CDHR3: variants seen among roughly 807,000 people sequenced by gnomAD.
The protein encoded by CDHR3 is cadherin-related family member 3.
Under a neutral mutation model 86.6 loss-of-function variants are expected in CDHR3, and 79 were observed. The ratio of observed to expected loss-of-function variants is 0.91; its 90% CI spans 0.76 to 1.10. The LOEUF (loss-of-function observed/expected upper bound fraction) is 1.10, where lower values mean the gene tolerates loss of function less well. CDHR3 is among the 50% of genes least tolerant of loss of function. CDHR3 has a pLI of 0.00. For synonymous variants in CDHR3, 421 were observed against 402.4 expected (o/e 1.05, Z -0.55); for missense variants, 1,081 against 1,077.6 (o/e 1.00, Z -0.04).
intron 16 of CDHR3, 89 bp from the exon 17 acceptor site, chr7:106,028,462 A>G (rs1837714588): frequency 7.1e-7 from 1 of 1,398,628 alleles, no homozygotes; most frequent in African/African-American, 1.4e-5. Flanking sequence ...ATCGAAGCCT[A>G]TTTAGGGGAA....
rs1337535708 is a variant in CDHR3 at position 106,028,982 on chromosome 7, T to TTCTC, written c.2304+403_2304+404insCTCT. Among the ~76,000 whole-genome samples, 4 of 149,316 alleles carry TTCTC rather than the reference T, an allele frequency of 2.7e-5. No homozygotes were observed. In the South Asian group the frequency reaches 8.6e-4, roughly 32 times the overall value. ...TTTCTTTCTTTCTTTCTTTCTTTCT[T>TTCTC]TCTTTCTTTCTTTTTAAGACACAGT... On this transcript the variant is annotated intron_variant, in intron 17 of 18. Transcript: ENST00000317716.
chr7:105,997,124 A>G (rs77056646), intron 6 of CDHR3, among the ~76,000 whole-genome samples: 4,830 of 152,274 alleles, frequency 0.032, 271 homozygotes, highest in African/African-American at 0.11. Context: ...CTTTAACAGC[A>G]TGAACGGTTA....
rs1437852777 is a variant in CDHR3 at position 106,034,883 on chromosome 7, G to C, written c.*2186G>C. Among the ~76,000 whole-genome samples the C allele has an allele frequency of 6.6e-6, 1 of 152,296 alleles. No homozygotes were observed. The highest frequency in any genetic ancestry group is 2.1e-4 in the South Asian group (1 of 4,826). On this transcript the variant is annotated 3_prime_UTR_variant, in exon 19 of 19. Coordinates refer to ENST00000317716, the MANE Select transcript of CDHR3 (RefSeq NM_152750.5). ...ACCTGAGGTCAGGAGTTTGAGACCAGCCTGGCCAACATGGTGAAACCCTGT... is the reference window on the plus strand; with the variant it reads ...ACCTGAGGTCAGGAGTTTGAGACCACCCTGGCCAACATGGTGAAACCCTGT...
intron 12 of CDHR3, among the ~76,000 whole-genome samples, chr7:106,020,106 G>T (rs901315309): frequency 6.6e-6 from 1 of 152,144 alleles, no homozygotes; most frequent in African/African-American, 2.4e-5. Context: ...ATATGGTGTA[G>T]AAGTTAATAG....
In CDHR3 at chr7:106,032,754, A is replaced by C; in HGVS notation, c.*57A>C. The C allele has an allele frequency of 1.3e-6, 2 of 1,517,200 alleles. No homozygotes were observed. The highest frequency in any genetic ancestry group is 1.8e-6 in the Non-Finnish European group (2 of 1,124,178). 94.0% of individuals were successfully genotyped at this position (1,517,200 alleles called of 1,614,324 possible). On this transcript the variant is annotated 3_prime_UTR_variant, in exon 19 of 19. Coordinates refer to ENST00000317716, the MANE Select transcript of CDHR3 (RefSeq NM_152750.5). The stretch of plus-strand genomic sequence containing the variant: ...GAGATGCTGCCTCACCCTAAATTCT[A>C]TGGGGATGGTGTGGGCATGGTGTAG...
At chr7:105,980,623 A>ATTTTTTTTT (rs55880404) in intron 2 of CDHR3, among the ~76,000 whole-genome samples, 3 of 108,148 alleles carry the variant, frequency 2.8e-5, no homozygotes, top group East Asian at 2.7e-4. Flanking sequence ...TTTTTTTTTA[A>ATTTTTTTTT]TTTTTTTTTT....
intron 8 of CDHR3, among the ~76,000 whole-genome samples, chr7:106,011,387 G>A (rs1834781374): frequency 6.6e-6 from 1 of 151,844 alleles, no homozygotes; most frequent in Non-Finnish European, 1.5e-5. Context: ...TGTTACTTTT[G>A]GAACCAGAGA....
chr7:105,966,962 T>TA (rs1481330637), intron 1 of CDHR3, among the ~76,000 whole-genome samples: 57 of 151,668 alleles, frequency 3.8e-4, no homozygotes, highest in South Asian at 4.2e-4. Flanking sequence ...CTTTTTTTTT[T>TA]TTATTATTAT....
At chr7:106,022,102 T>C in intron 13 of CDHR3, 96 bp from the exon 14 acceptor site, 2 of 1,470,154 alleles carry the variant, frequency 1.4e-6, no homozygotes, top group Non-Finnish European at 1.9e-6. Context: ...GGTGTGGACA[T>C]TTGAGAAAAA....
intron 2 of CDHR3, among the ~76,000 whole-genome samples, chr7:105,976,995 T>C (rs1286275873): frequency 6.6e-6 from 1 of 151,106 alleles, no homozygotes. Flanking sequence ...TTTTTTTTTT[T>C]TTTTTGAGAT....
rs544041141 is a variant in CDHR3, at chr7:106,027,582, G to A, written c.2272+887G>A. ...TCCATCTGAGCAGCTCCAGGTCTGA[G>A]GAGGTGTCCTGGCTTGGCCTCAAGT... On this transcript the variant is annotated intron_variant, in intron 16 of 18. Transcript: ENST00000317716. 7.0e-5 allele frequency: 30 copies of A among 428,642 alleles called. 1 individual carries two copies. The highest frequency in any genetic ancestry group is 3.9e-4 in the South Asian group (23 of 59,290). 26.6% of individuals were successfully genotyped at this position (428,642 alleles called of 1,614,324 possible).
Position 106,020,420 on chromosome 7 carries a change from TC to T in CDHR3, c.1703del (p.Pro568GlnfsTer12). On this transcript the variant is annotated frameshift_variant, in exon 13 of 19. Coordinates refer to ENST00000317716, the MANE Select transcript of CDHR3 (RefSeq NM_152750.5). LOFTEE classifies it high-confidence loss of function. Reference sequence around the variant, plus strand: ...AAAATGATGAAAAGCCAATTTGTACTCCAAACTCTTATTTCCTGGCCCTCCC... The same window carrying T: ...AAAATGATGAAAAGCCAATTTGTACTCAAACTCTTATTTCCTGGCCCTCCC... ...EENDEKPICT[P>X]NSYFLALPVD... 1 of 1,613,954 alleles carries T rather than the reference TC, an allele frequency of 6.2e-7. No homozygotes were observed. The highest frequency in any genetic ancestry group is 8.5e-7 in the Non-Finnish European group (1 of 1,179,870).
chr7:106,015,605 T>C (rs10251728), intron 10 of CDHR3, among the ~76,000 whole-genome samples: 4,555 of 152,256 alleles, frequency 0.03, 214 homozygotes, highest in African/African-American at 0.1. Flanking sequence ...TATGTGGTTT[T>C]ATACCTTGGC....
chr7:105,977,908 T>A (rs1410599746), intron 2 of CDHR3, among the ~76,000 whole-genome samples: 5 of 152,192 alleles, frequency 3.3e-5, no homozygotes, highest in Non-Finnish European at 7.4e-5. Context: ...ATGATAATAA[T>A]GAGGAGGAGG....
chr7:105,981,445 C>T (rs1018143927), intron 3 of CDHR3, among the ~76,000 whole-genome samples: 16 of 152,284 alleles, frequency 1.1e-4, no homozygotes, highest in African/African-American at 3.4e-4. Context: ...CCCCTAGGCT[C>T]ATCCCTGTGT....
intron 1 of CDHR3, 51 bp from the exon 2 acceptor site, chr7:105,974,793 C>A: frequency 6.7e-7 from 1 of 1,488,766 alleles, no homozygotes; most frequent in Non-Finnish European, 9.3e-7. Context: ...GTCCCTGTTC[C>A]CAGCAAAAGG....
chr7:106,007,816 A>G (rs936255687), intron 8 of CDHR3, among the ~76,000 whole-genome samples: 4 of 152,204 alleles, frequency 2.6e-5, no homozygotes, highest in Admixed American at 6.5e-5. Context: ...CCACATTTTC[A>G]GGTATCTACA....
chr7:106,024,659 C>T, intron 15 of CDHR3, 97 bp downstream of exon 15: 1 of 1,304,416 alleles, frequency 7.7e-7, no homozygotes, highest in Non-Finnish European at 1.1e-6. Context: ...CAGGATTTCT[C>T]TACAAGGCAG....
chr7:106,032,544 T>A lies in CDHR3; in HGVS notation c.2505T>A (p.Ser835Arg). The A allele has an allele frequency of 6.2e-7, 1 of 1,613,874 alleles. No individual in the cohort carries two copies. The highest frequency in any genetic ancestry group is 2.2e-5 in the East Asian group (1 of 44,876). The change falls in exon 19 of 19, where the codon AGT becomes AGA. Residue 835 changes from serine to arginine, a missense_variant. Ser to Arg is a moderately radical substitution (Grantham distance 110). Coordinates refer to ENST00000317716, the MANE Select transcript of CDHR3 (RefSeq NM_152750.5). ...TAGEGMGSLR[S>R]ANWEEDELSG... ...GGGAAGGGATGGGGTCACTGAGAAG[T>A]GCCAACTGGGAAGAAGATGAGCTGA...
Sources: gnomAD v4.1 joint callset for allele counts (sites outside exome capture counted in the v4.1 genomes callset) on GRCh38, gnomAD v4.1.1 for gene constraint, MANE v1.5 for transcripts, NCBI Gene and HGNC (gene_info 2026-07-23, HGNC 2026-07-21) for gene names.